MTMR8: variants seen among roughly 807,000 people sequenced by gnomAD.
MTMR8 encodes the protein phosphatidylinositol-3,5-bisphosphate 3-phosphatase MTMR8.
Under a neutral mutation model 39.3 loss-of-function variants are expected in MTMR8, and 65 were observed. The observed-to-expected ratio is 1.65, with a 90% CI of 1.35 to 2.03. The LOEUF (loss-of-function observed/expected upper bound fraction) is 2.03. Ranked by LOEUF, MTMR8 falls within the 30% of genes most tolerant of loss-of-function variation. The pLI is 0.00. For missense variants in MTMR8, 777 were observed against 538.9 expected, an observed-to-expected ratio of 1.44 and a Z score of -4.37; for synonymous variants, 245 against 185.2, an observed-to-expected ratio of 1.32 and a Z score of -2.62.
intron 12 of MTMR8, among the ~76,000 whole-genome samples, chrX:64,315,010 C>T (rs1922423932): frequency 9.0e-6 from 1 of 111,620 alleles, no homozygotes; most frequent in Admixed American, 9.4e-5. Context: ...AGTTCAGGCC[C>T]ACTAGTTCCC....
chrX:64,378,232 G>T (rs906732990), intron 1 of MTMR8, among the ~76,000 whole-genome samples: 7 of 111,949 alleles, frequency 6.3e-5, no homozygotes, highest in Non-Finnish European at 1.3e-4. Flanking sequence ...AAAACAAGAA[G>T]AAATACATAA....
At chrX:64,278,186 C>T (rs914042848) in intron 12 of MTMR8, among the ~76,000 whole-genome samples, 1 of 109,165 alleles carries the variant, frequency 9.2e-6, no homozygotes, top group African/African-American at 3.3e-5. Flanking sequence ...GCTCCTTTAG[C>T]TCGGAAGAGT....
At position 64,344,974 on chromosome X, in the gene MTMR8, A is replaced by G. The variant is rs1923310957; in HGVS notation, c.865+71T>C. ...TTGCTTTTATATTCCACCCCAAATC[A>G]GGCATGCTTTCTGCTTACATGATAA... is the stretch of plus-strand genomic sequence containing the variant. On this transcript the variant is annotated intron_variant, in intron 7 of 13. Transcript: ENST00000374852. 2.7e-6 allele frequency: 3 copies of G among 1,116,125 alleles called. No individual in the cohort carries two copies. The East Asian group carries it at 9.1e-5, about 34-fold the overall frequency. The allele number at this position is 1,116,125 out of a possible 1,213,427, so 92.0% of individuals were successfully genotyped here.
At chrX:64,322,048 GT>G (rs780391627) in intron 12 of MTMR8, among the ~76,000 whole-genome samples, 46 of 99,309 alleles carry the variant, frequency 4.6e-4, no homozygotes, top group Non-Finnish European at 4.8e-4. Context: ...TAGTATTTTT[GT>G]TTTTTTTTTT....
chrX:64,290,611 C>G (rs766109311), intron 12 of MTMR8, among the ~76,000 whole-genome samples: 3 of 110,684 alleles, frequency 2.7e-5, no homozygotes, highest in African/African-American at 9.8e-5. Flanking sequence ...ACCTCCCCCT[C>G]ATACCCACCA....
chrX:64,320,025 G>C (rs749888908), intron 12 of MTMR8, among the ~76,000 whole-genome samples: 10 of 111,130 alleles, frequency 9.0e-5, no homozygotes, highest in South Asian at 3.8e-4. Context: ...ATTGATTCTT[G>C]CTATCCATGA....
chrX:64,395,111 G>A (rs757550242), intron 1 of MTMR8, among the ~76,000 whole-genome samples: 1 of 111,993 alleles, frequency 8.9e-6, no homozygotes, highest in South Asian at 3.8e-4. Context: ...GTCGCGTAAG[G>A]GGACAGTGGT....
At position 64,278,459 on chromosome X, in the gene MTMR8, G is replaced by GT. The variant is rs1931928205; in HGVS notation, c.1482-7387_1482-7386insA. ...TGATGTTGATGCTATTTATTTTGCTGGTTTTTTTTTTTTTTTTTTTTTTTT... is the reference window on the plus strand; with the variant it reads ...TGATGTTGATGCTATTTATTTTGCTGTGTTTTTTTTTTTTTTTTTTTTTTTT... On this transcript the variant is annotated intron_variant, in intron 12 of 13. Coordinates refer to ENST00000374852, the MANE Select transcript of MTMR8 (RefSeq NM_017677.4). 7.2e-4 allele frequency among the ~76,000 whole-genome samples: 36 copies of GT among 49,853 alleles called. 9 individuals carry two copies. Among genetic ancestry groups the GT allele is most frequent in the African/African-American group, 3.7e-3 (32 of 8,740 alleles). 43.3% of individuals were successfully genotyped at this position (49,853 alleles called of 115,157 possible).
rs1424688968 is a variant in MTMR8 at position 64,296,680 on chromosome X, C to T, written c.1482-25607G>A. The stretch of plus-strand genomic sequence containing the variant: ...GTGCCATGCTGGTGCGCTACACCCA[C>T]TAACTCGTCATCTAGCATTAGGTAT... On this transcript the variant is annotated intron_variant, in intron 12 of 13. Transcript: ENST00000374852. Among the ~76,000 whole-genome samples, 31 of 106,981 alleles carry T rather than the reference C, an allele frequency of 2.9e-4. No homozygotes were observed. The South Asian group carries it at 4.4e-3, about 15-fold the overall frequency. The allele number at this position is 106,981 out of a possible 115,157, so 92.9% of individuals were successfully genotyped here.
At chrX:64,343,745 T>A in intron 7 of MTMR8, 25 bp from the exon 8 acceptor site, 1 of 1,047,795 alleles carries the variant, frequency 9.5e-7, no homozygotes, top group Non-Finnish European at 1.3e-6. Flanking sequence ...GAAGCAGAGA[T>A]TGAAATTCAC....
At chrX:64,301,831 G>A (rs1235579382) in intron 12 of MTMR8, among the ~76,000 whole-genome samples, 3 of 111,900 alleles carry the variant, frequency 2.7e-5, no homozygotes, top group East Asian at 2.8e-4. Flanking sequence ...TGCCGTGTGA[G>A]GTGTCAGTGT....
At chrX:64,318,297 T>C (rs1158008058) in intron 12 of MTMR8, among the ~76,000 whole-genome samples, 1 of 112,594 alleles carries the variant, frequency 8.9e-6, no homozygotes, top group Non-Finnish European at 1.9e-5. Context: ...TGACATGGCC[T>C]TTTCTGGCTA....
rs1931665516 is a variant in MTMR8, at chrX:64,268,108, A to C, written c.*429T>G. ...AAATTTTCTTTCAATTTATTCTGCA[A>C]TTCACAGTTACCTGCTGTATACCAT... On this transcript the variant is annotated 3_prime_UTR_variant, in exon 14 of 14. Transcript: ENST00000374852. 8.1e-6 allele frequency: 1 copy of C among 123,572 alleles called. No individual in the cohort carries two copies. Among genetic ancestry groups the C allele is most frequent in the Non-Finnish European group, 1.6e-5 (1 of 61,237 alleles). The allele number at this position is 123,572 out of a possible 1,213,427, so 10.2% of individuals were successfully genotyped here. A position where few individuals can be genotyped will look rare whatever the true frequency, so the allele number is the denominator to read the frequency against.
intron 12 of MTMR8, among the ~76,000 whole-genome samples, chrX:64,320,330 C>A (rs1455378499): frequency 7.2e-5 from 8 of 110,831 alleles, no homozygotes; most frequent in Non-Finnish European, 1.5e-4. Flanking sequence ...CTCTGCCATC[C>A]CCTATTCCCC....
chrX:64,357,848 G>A (rs374177319), intron 2 of MTMR8, among the ~76,000 whole-genome samples: 3 of 111,994 alleles, frequency 2.7e-5, no homozygotes, highest in African/African-American at 9.7e-5. Flanking sequence ...AGAGATGTGT[G>A]TTTTGGTAGT....
chrX:64,327,478 A>T (rs1315074044), intron 12 of MTMR8, among the ~76,000 whole-genome samples: 1 of 112,400 alleles, frequency 8.9e-6, no homozygotes, highest in Non-Finnish European at 1.9e-5. Context: ...CCACAATGAG[A>T]TATCATTTCA....
At chrX:64,369,694 C>T (rs993692649) in intron 1 of MTMR8, among the ~76,000 whole-genome samples, 17 of 111,041 alleles carry the variant, frequency 1.5e-4, no homozygotes, top group African/African-American at 5.6e-4. Context: ...AGCAAACCAA[C>T]ATGGCACATG....
Position 64,349,713 on chromosome X carries a change from A to G in MTMR8, c.597+229T>C, listed in dbSNP as rs765759220. ...GAAAAGGAAAAAAAGAAAAAGAAAT[A>G]AACATACTAAAATGACACTTAACAT... On this transcript the variant is annotated intron_variant, in intron 5 of 13. Transcript: ENST00000374852. Among the ~76,000 whole-genome samples, 185 of 111,991 alleles carry G rather than the reference A, an allele frequency of 1.7e-3. 1 individual carries two copies. Among genetic ancestry groups the G allele is most frequent in the African/African-American group, 5.8e-3 (180 of 30,859 alleles).
At chrX:64,333,501 G>T (rs1480249790) in intron 10 of MTMR8, among the ~76,000 whole-genome samples, 1 of 111,642 alleles carries the variant, frequency 9.0e-6, no homozygotes, top group Non-Finnish European at 1.9e-5. Context: ...AACTTTCACC[G>T]ATTTGCCCAG....
Sources: allele counts gnomAD v4.1 joint callset (sites outside exome capture counted in the v4.1 genomes callset), GRCh38; gene constraint gnomAD v4.1.1; transcripts MANE v1.5; gene names NCBI Gene and HGNC (gene_info 2026-07-23, HGNC 2026-07-21).